CXXC4: variants seen among roughly 807,000 people sequenced by gnomAD.
CXXC4 encodes CXXC finger protein 4.
In CXXC4, 5 loss-of-function variants were observed where a neutral mutation model predicts 20.5. That is an observed-to-expected ratio of 0.24 (90% CI 0.13 to 0.51). The LOEUF is 0.51. Ranked by LOEUF, CXXC4 falls within the 20% of genes least tolerant of loss-of-function variation. CXXC4 has a pLI of 0.97. For missense variants in CXXC4, 419 were observed against 496.4 expected, an observed-to-expected ratio of 0.84 and a Z score of 1.48; for synonymous variants, 250 against 216.4, an observed-to-expected ratio of 1.16 and a Z score of -1.36.
At position 104,477,739 on chromosome 4, in the gene CXXC4, A is replaced by T. The variant is rs185342136; in HGVS notation, c.1060-5373T>A. 2.9e-3 allele frequency among the ~76,000 whole-genome samples: 446 copies of T among 152,092 alleles called. 3 individuals carry two copies. Among genetic ancestry groups the T allele is most frequent in the African/African-American group, 0.01 (423 of 41,538 alleles). The stretch of plus-strand genomic sequence containing the variant: ...ATTAATAATATCTAAATTTAAAAAT[A>T]TTTGGAGTAATATAAGTATATACTT... On this transcript the variant is annotated intron_variant, in intron 2 of 2. Transcript: ENST00000394767.
intron 2 of CXXC4, among the ~76,000 whole-genome samples, chr4:104,479,754 C>A (rs1425057769): frequency 1.4e-5 from 2 of 147,996 alleles, no homozygotes; most frequent in South Asian, 4.3e-4. Context: ...TTTTTCCCCT[C>A]TCCCTCCCTT....
Position 104,472,370 on chromosome 4 carries a change from T to A in CXXC4, c.1060-4A>T, listed in dbSNP as rs745734320. On this transcript the variant is annotated splice_polypyrimidine_tract_variant and splice_region_variant and intron_variant, in intron 2 of 2. Coordinates refer to ENST00000394767, the MANE Select transcript of CXXC4 (RefSeq NM_025212.4). ...CAGCGCTGGGAACAGGTGTTCTCTA[T>A]AAAAAAAGAGCAAGAAAACAAGTTA... 6.3e-7 allele frequency: 1 copy of A among 1,597,608 alleles called. No homozygotes were observed. The highest frequency in any genetic ancestry group is 8.5e-7 in the Non-Finnish European group (1 of 1,170,954).
chr4:104,485,972 AG>A (rs1736682764), intron 2 of CXXC4, among the ~76,000 whole-genome samples: 1 of 152,112 alleles, frequency 6.6e-6, no homozygotes, highest in South Asian at 2.1e-4. Flanking sequence ...TTTCATCACT[AG>A]ATACACTTTT....
rs772336462 is a variant in CXXC4 at position 104,490,927 on chromosome 4, T to C, written c.876A>G (p.Ser292=). The C allele has an allele frequency of 6.2e-7, 1 of 1,614,024 alleles. No homozygotes were observed. Among genetic ancestry groups the C allele is most frequent in the South Asian group, 1.1e-5 (1 of 91,072 alleles). ...QNHSSSSSSS[S]GGAGGANPAK... is the part of the protein sequence containing the mutation. ...CTGGGTTGGCTCCGCCAGCTCCCCC[T>C]GAGGAGGACGAGGAGGAGGAGGAAT... The change falls in exon 2 of 3, where the codon TCA becomes TCG. Residue 292 remains serine, a synonymous_variant. Coordinates refer to ENST00000394767, the MANE Select transcript of CXXC4 (RefSeq NM_025212.4).
At position 104,469,774 on chromosome 4, in the gene CXXC4, TAAA is replaced by T. The variant is rs1381047422; in HGVS notation, c.*2545_*2547del. ...TGGTATAAAAGAACAATATCAAGAA[TAAA>T]AAACATAAGAGAATTAATGAAAAGC... is the stretch of plus-strand genomic sequence containing the variant. On this transcript the variant is annotated 3_prime_UTR_variant, in exon 3 of 3. Transcript: ENST00000394767. 1 of 151,818 alleles carries T rather than the reference TAAA, an allele frequency of 6.6e-6. No individual in the cohort carries two copies. Among genetic ancestry groups the T allele is most frequent in the African/African-American group, 2.4e-5 (1 of 41,362 alleles). The allele number at this position is 151,818 out of a possible 1,614,324, so 9.4% of individuals were successfully genotyped here.
rs565628571 is a variant in CXXC4 at position 104,491,386 on chromosome 4, G to A, written c.417C>T (p.Ser139=). ...GGGGGGRKSS[S]AAASSSASSS... ...AGGAGGCGGAGGAGGAGGCGGCGGC[G>A]GAGGAGGATTTCCTGCCGCCCCCAC... is the stretch of plus-strand genomic sequence containing the variant. The change falls in exon 2 of 3, where the codon TCC becomes TCT. Residue 139 remains serine, a synonymous_variant. Transcript: ENST00000394767. The A allele has an allele frequency of 1.5e-3, 2,018 of 1,319,428 alleles. 12 individuals carry two copies. Among genetic ancestry groups the A allele is most frequent in the South Asian group, 0.011 (483 of 45,136 alleles). The allele number at this position is 1,319,428 out of a possible 1,614,324, so 81.7% of individuals were successfully genotyped here.
chr4:104,486,936 G>A (rs189244662), intron 2 of CXXC4, among the ~76,000 whole-genome samples: 66 of 152,156 alleles, frequency 4.3e-4, no homozygotes, highest in South Asian at 1.2e-3. Context: ...ACTTAACAGC[G>A]TAAACAATAT....
At chr4:104,484,471 A>C (rs72951396) in intron 2 of CXXC4, among the ~76,000 whole-genome samples, 2,168 of 152,128 alleles carry the variant, frequency 0.014, 64 homozygotes, top group African/African-American at 0.05. Context: ...AAACCAAAGA[A>C]ATACATCTTG....
chr4:104,481,604 A>G (rs1451151386), intron 2 of CXXC4, among the ~76,000 whole-genome samples: 1 of 152,072 alleles, frequency 6.6e-6, no homozygotes, highest in African/African-American at 2.4e-5. Context: ...GAGCTAGAGA[A>G]TTACATGCAT....
chr4:104,483,350 C>T (rs903331565), intron 2 of CXXC4, among the ~76,000 whole-genome samples: 13 of 151,970 alleles, frequency 8.6e-5, no homozygotes, highest in Non-Finnish European at 1.6e-4. Context: ...GCATTGGATT[C>T]TGGCTTAAAT....
At chr4:104,494,164 T>C (rs1736978907) in intron 1 of CXXC4, among the ~76,000 whole-genome samples, 1 of 152,230 alleles carries the variant, frequency 6.6e-6, no homozygotes, top group African/African-American at 2.4e-5. Flanking sequence ...AAGCCACAGC[T>C]ATTGTTTGGA....
At position 104,472,097 on chromosome 4, in the gene CXXC4, C is replaced by T. The variant is rs925401992; in HGVS notation, c.*225G>A. ...TAAATTACATCAAAGAAAGAATCAG[C>T]GTATTGAAAGTAAATAGACTGGCCA... On this transcript the variant is annotated 3_prime_UTR_variant, in exon 3 of 3. Coordinates refer to ENST00000394767, the MANE Select transcript of CXXC4 (RefSeq NM_025212.4). 6 of 367,840 alleles carry T rather than the reference C, an allele frequency of 1.6e-5. No individual in the cohort carries two copies. Among genetic ancestry groups the T allele is most frequent in the African/African-American group, 8.4e-5 (4 of 47,382 alleles). 22.8% of individuals were successfully genotyped at this position (367,840 alleles called of 1,614,324 possible).
rs1275413872 is a variant in CXXC4, at chr4:104,491,372, G to A, written c.431C>T (p.Ser144Phe). The A allele has an allele frequency of 1.4e-6, 2 of 1,403,566 alleles. No homozygotes were observed. The highest frequency in any genetic ancestry group is 1.9e-6 in the Non-Finnish European group (2 of 1,080,528). 86.9% of individuals were successfully genotyped at this position (1,403,566 alleles called of 1,614,324 possible). A position where few individuals can be genotyped will look rare whatever the true frequency, so the allele number is the denominator to read the frequency against. ...GRKSSSAAAS[S>F]SASSSSAILP... ...GATCGCCGAGGAGGAGGAGGCGGAG[G>A]AGGAGGCGGCGGCGGAGGAGGATTT... The change falls in exon 2 of 3, where the codon TCC becomes TTC. Residue 144 changes from serine to phenylalanine, a missense_variant. Physicochemically the swap from Ser to Phe is radical, Grantham distance 155. Transcript: ENST00000394767.
At position 104,491,414 on chromosome 4, in the gene CXXC4, C is replaced by A. The variant is rs1201472108; in HGVS notation, c.389G>T (p.Gly130Val). ...GGGGGGGGGG[G>V]GGGGRKSSSA... ...GGAGGATTTCCTGCCGCCCCCACCA[C>A]CCCCGCCCCCGCCTCCGCCGCCGCC... The change falls in exon 2 of 3, where the codon GGT (glycine) becomes GTT (valine). Residue 130 changes from glycine to valine, a missense_variant. By Grantham distance (109) the Gly-to-Val change is moderately radical. Around this residue, in one of 3 missense-constraint regions of CXXC4, gnomAD observed 388 missense variants for 416.0 expected, o/e 0.93. Coordinates refer to ENST00000394767, the MANE Select transcript of CXXC4 (RefSeq NM_025212.4). 1.7e-5 allele frequency: 18 copies of A among 1,077,486 alleles called. No individual in the cohort carries two copies. Among genetic ancestry groups the A allele is most frequent in the East Asian group, 3.4e-5 (1 of 29,418 alleles). 66.7% of individuals were successfully genotyped at this position (1,077,486 alleles called of 1,614,324 possible).
At chr4:104,487,352 C>A (rs1736726190) in intron 2 of CXXC4, among the ~76,000 whole-genome samples, 1 of 151,944 alleles carries the variant, frequency 6.6e-6, no homozygotes, top group Non-Finnish European at 1.5e-5. Context: ...TAATGCTGTC[C>A]CACAGAGATC....
chr4:104,489,872 T>C (rs1389362598), intron 2 of CXXC4, among the ~76,000 whole-genome samples: 3 of 152,210 alleles, frequency 2.0e-5, no homozygotes, highest in Non-Finnish European at 4.4e-5. Context: ...TTATTGACCA[T>C]ATAAGGTATC....
intron 1 of CXXC4, 96 bp from the exon 2 acceptor site, chr4:104,492,155 C>A (rs916162674): frequency 3.0e-5 from 5 of 165,446 alleles, no homozygotes; most frequent in Non-Finnish European, 5.2e-5. Context: ...CCGAAAGCTC[C>A]CACATTCTTC....
intron 2 of CXXC4, among the ~76,000 whole-genome samples, chr4:104,489,030 T>C (rs1736767322): frequency 6.6e-6 from 1 of 152,160 alleles, no homozygotes; most frequent in Non-Finnish European, 1.5e-5. Context: ...AATTTTAATT[T>C]CCCATAGTCC....
intron 2 of CXXC4, among the ~76,000 whole-genome samples, chr4:104,484,102 G>C (rs1236342669): frequency 6.6e-6 from 1 of 151,870 alleles, no homozygotes; most frequent in African/African-American, 2.4e-5. Flanking sequence ...GTAACCTATT[G>C]GTTTCTTATC....
Sources: allele counts gnomAD v4.1 joint callset (sites outside exome capture counted in the v4.1 genomes callset), GRCh38; gene constraint gnomAD v4.1.1; regional missense constraint gnomAD v4.1.1; transcripts MANE v1.5; gene names NCBI Gene and HGNC (gene_info 2026-07-23, HGNC 2026-07-21).